Variants in DENND2B observed in about 807,000 individuals in gnomAD.
DENND2B encodes the protein DENN domain-containing protein 2B.
In DENND2B, 32 loss-of-function variants were observed where a neutral mutation model predicts 116.0. The observed-to-expected ratio is 0.28, with a 90% CI of 0.21 to 0.37. The LOEUF (loss-of-function observed/expected upper bound fraction) is 0.37, where lower values mean the gene tolerates loss of function less well. Among genes scored for constraint, DENND2B ranks in the 10% least tolerant of loss-of-function variants. The pLI is 1.00. For missense variants in DENND2B, 1,276 were observed against 1,477.7 expected (o/e 0.86, Z 2.24); for synonymous variants, 588 against 583.9 (o/e 1.01, Z -0.10).
At chr11:8,784,130 G>A (rs1000702496) in intron 1 of DENND2B, 3 of 151,976 alleles carry the variant, frequency 2.0e-5, no homozygotes, top group African/African-American at 7.3e-5. Flanking sequence ...CCCAGAGGAG[G>A]AGACTTTTCA....
At chr11:8,887,829 C>G (rs1368736284) in intron 1 of DENND2B, among the ~76,000 whole-genome samples, 1 of 152,142 alleles carries the variant, frequency 6.6e-6, no homozygotes, top group Non-Finnish European at 1.5e-5. Flanking sequence ...CAATTTGAGC[C>G]ACCTCAACCC....
At chr11:8,766,154 A>G (rs2055727292) in intron 1 of DENND2B, among the ~76,000 whole-genome samples, 1 of 152,182 alleles carries the variant, frequency 6.6e-6, no homozygotes, top group South Asian at 2.1e-4. Context: ...GAGTCTCTGC[A>G]GCAGGTGTTT....
At chr11:8,848,172 T>C (rs2062877058) in intron 3 of DENND2B, among the ~76,000 whole-genome samples, 1 of 152,184 alleles carries the variant, frequency 6.6e-6, no homozygotes, top group Admixed American at 6.5e-5. Context: ...GAGAAAGTAT[T>C]TTTACCTCCA....
At chr11:8,863,886 A>G (rs1594290280) in intron 2 of DENND2B, among the ~76,000 whole-genome samples, 1 of 152,120 alleles carries the variant, frequency 6.6e-6, no homozygotes, top group East Asian at 1.9e-4. Context: ...TGGACCCAGT[A>G]GAAGAAGCCT....
chr11:8,886,302 G>A (rs765357237), intron 1 of DENND2B, among the ~76,000 whole-genome samples: 3 of 152,088 alleles, frequency 2.0e-5, no homozygotes, highest in Non-Finnish European at 4.4e-5. Flanking sequence ...TTCTACTAGT[G>A]AAGCACTAAA....
intron 2 of DENND2B, among the ~76,000 whole-genome samples, chr11:8,880,701 T>TA (rs1466012790): frequency 6.6e-6 from 1 of 152,102 alleles, no homozygotes; most frequent in Non-Finnish European, 1.5e-5. Context: ...ACTTCGTCTC[T>TA]AAAAAATAAT....
chr11:8,795,007 C>T (rs2059694199), intron 1 of DENND2B, among the ~76,000 whole-genome samples: 1 of 152,270 alleles, frequency 6.6e-6, no homozygotes, highest in Admixed American at 6.5e-5. Context: ...TGCTGGCTGT[C>T]CCTGAAACAG....
intron 1 of DENND2B, among the ~76,000 whole-genome samples, chr11:8,790,651 C>T (rs2134326985): frequency 6.6e-6 from 1 of 152,284 alleles, no homozygotes. Flanking sequence ...TGCCCATGAT[C>T]TCAGCTTCTC....
chr11:8,844,932 G>C (rs1209954179), intron 3 of DENND2B, among the ~76,000 whole-genome samples: 5 of 151,978 alleles, frequency 3.3e-5, no homozygotes, highest in Non-Finnish European at 7.4e-5. Context: ...TGTAGGAACA[G>C]AGTCTTGCTT....
At chr11:8,732,475 C>G (rs1235791759) in intron 2 of DENND2B, among the ~76,000 whole-genome samples, 2 of 152,176 alleles carry the variant, frequency 1.3e-5, no homozygotes, top group African/African-American at 2.4e-5. Flanking sequence ...CTGCCAGGGC[C>G]CTGAGGCAAC....
chr11:8,869,696 T>C (rs1003778409), intron 2 of DENND2B, among the ~76,000 whole-genome samples: 1 of 151,982 alleles, frequency 6.6e-6, no homozygotes, highest in Non-Finnish European at 1.5e-5. Context: ...AAAAAATATA[T>C]GCCAGATAAA....
chr11:8,774,316 A>C, intron 1 of DENND2B: 1 of 985,452 alleles, frequency 1.0e-6, no homozygotes, highest in Non-Finnish European at 1.2e-6. Flanking sequence ...GAAAGGCTGA[A>C]GGCTGCCTTA....
intron 1 of DENND2B, among the ~76,000 whole-genome samples, chr11:8,764,984 A>C (rs1039031509): frequency 6.6e-6 from 1 of 150,750 alleles, no homozygotes; most frequent in Non-Finnish European, 1.5e-5. Flanking sequence ...AAAGGATATT[A>C]GCAGAAGGTC....
At chr11:8,830,953 T>C (rs2062182162) in intron 4 of DENND2B, 1 of 152,250 alleles carries the variant, frequency 6.6e-6, no homozygotes, top group Non-Finnish European at 1.5e-5. Flanking sequence ...TCTTCTAATA[T>C]ATATTTCATA....
chr11:8,812,664 G>A (rs983403455), upstream of DENND2B, among the ~76,000 whole-genome samples: 32 of 152,112 alleles, frequency 2.1e-4, no homozygotes, highest in African/African-American at 7.0e-4. Flanking sequence ...CACCACTAAC[G>A]GGCCATGTGC....
At position 8,712,993 on chromosome 11, in the gene DENND2B, C is replaced by A. The variant is rs1378137170; in HGVS notation, c.1988-258G>T. On this transcript the variant is annotated intron_variant, in intron 8 of 19. Transcript: ENST00000313726. The surrounding 1 kb of genome is among the most constrained non-coding windows in gnomAD (Gnocchi z 4.4). ...GACTGAGCTGGGGCAGGAGGACTGC[C>A]GAGGCCAGGCAAACCCAGGGATGTA... Among the ~76,000 whole-genome samples, 1 of 152,104 alleles carries A rather than the reference C, an allele frequency of 6.6e-6. No individual in the cohort carries two copies. Among genetic ancestry groups the A allele is most frequent in the Non-Finnish European group, 1.5e-5 (1 of 68,024 alleles).
At chr11:8,736,110 T>G (rs1423667630) in intron 2 of DENND2B, among the ~76,000 whole-genome samples, 1 of 152,182 alleles carries the variant, frequency 6.6e-6, no homozygotes, top group Admixed American at 6.5e-5. Flanking sequence ...CTTGCTAGCC[T>G]TCTCTGCATC....
upstream of DENND2B, among the ~76,000 whole-genome samples, chr11:8,872,057 T>A (rs530347154): frequency 2.6e-5 from 4 of 152,336 alleles, no homozygotes; most frequent in East Asian, 5.8e-4. Flanking sequence ...TTTACATTTC[T>A]AAGGAACCAG....
At chr11:8,703,254 T>C (rs1203916124) in intron 13 of DENND2B, 3 of 153,574 alleles carry the variant, frequency 2.0e-5, no homozygotes, top group Non-Finnish European at 4.3e-5. Flanking sequence ...CAGAGGCTGT[T>C]TGTCCTGCTA....
Sources: gnomAD v4.1 joint callset for allele counts (sites outside exome capture counted in the v4.1 genomes callset) on GRCh38, gnomAD v4.1.1 for gene constraint, Gnocchi (gnomAD v3.1) non-coding constraint, MANE v1.5 for transcripts, NCBI Gene and HGNC (gene_info 2026-07-23, HGNC 2026-07-21) for gene names.